Variants in SDK1 observed in about 807,000 individuals in gnomAD.
SDK1 encodes protein sidekick-1.
In SDK1, 157 loss-of-function variants were observed where a neutral mutation model predicts 245.5. That is an observed-to-expected ratio of 0.64 (90% CI 0.56 to 0.73). The LOEUF (loss-of-function observed/expected upper bound fraction) is 0.73, where lower values mean the gene tolerates loss of function less well. Ranked by LOEUF, SDK1 falls within the 30% of genes least tolerant of loss-of-function variation. SDK1 has a pLI of 0.00. For synonymous variants in SDK1, 1,647 were observed against 1,278.5 expected, an observed-to-expected ratio of 1.29 and a Z score of -6.15; for missense variants, 3,583 against 3,002.3, an observed-to-expected ratio of 1.19 and a Z score of -4.52.
At position 3,764,457 on chromosome 7, in the gene SDK1, G is replaced by C. The variant is rs186048173; in HGVS notation, c.714-56993G>C. ...TCCCAACACTTTGGGAGGCCGAGGCGGGTGGATCACCTGAGCTCAGGAGTT... is the reference window on the plus strand; with the variant it reads ...TCCCAACACTTTGGGAGGCCGAGGCCGGTGGATCACCTGAGCTCAGGAGTT... On this transcript the variant is annotated intron_variant, in intron 4 of 44. Transcript: ENST00000404826. Among the ~76,000 whole-genome samples the C allele has an allele frequency of 3.7e-3, 567 of 152,260 alleles. 4 individuals are homozygous for C. The highest frequency in any genetic ancestry group is 0.013 in the African/African-American group (553 of 41,562).
intron 35 of SDK1, among the ~76,000 whole-genome samples, chr7:4,204,115 C>T (rs1445568990): frequency 1.3e-5 from 2 of 152,210 alleles, no homozygotes; most frequent in East Asian, 1.9e-4. Context: ...GGGGGGAGGG[C>T]GATGTCTCAC....
At chr7:4,018,796 G>A (rs1786628695) in intron 17 of SDK1, among the ~76,000 whole-genome samples, 1 of 152,172 alleles carries the variant, frequency 6.6e-6, no homozygotes, top group South Asian at 2.1e-4. Context: ...ATCTGTGAGT[G>A]ACATGAGCAA....
chr7:3,652,991 C>T (rs538621582), intron 4 of SDK1, among the ~76,000 whole-genome samples: 2 of 152,206 alleles, frequency 1.3e-5, no homozygotes, highest in Non-Finnish European at 2.9e-5. Context: ...GTGGACTGAG[C>T]ACCTCACGTC....
chr7:3,583,418 G>T (rs1030700888), intron 1 of SDK1, among the ~76,000 whole-genome samples: 12 of 152,130 alleles, frequency 7.9e-5, no homozygotes, highest in African/African-American at 2.9e-4. Context: ...CTTCTGTTTG[G>T]AACAGTATTA....
chr7:3,936,667 A>T (rs1780172328), intron 5 of SDK1, among the ~76,000 whole-genome samples: 1 of 152,186 alleles, frequency 6.6e-6, no homozygotes. Context: ...TGAACTGTTC[A>T]CTTAGAAATG....
intron 36 of SDK1, 133 bp downstream of exon 36, chr7:4,206,127 G>C (rs1243028432): frequency 3.2e-6 from 2 of 634,734 alleles, no homozygotes; most frequent in South Asian, 3.9e-5. Context: ...AAGCGTCGGA[G>C]CTTGGCTAGA....
chr7:4,108,941 C>T (rs1027168289), intron 22 of SDK1, among the ~76,000 whole-genome samples: 2 of 152,198 alleles, frequency 1.3e-5, no homozygotes, highest in Non-Finnish European at 2.9e-5. Flanking sequence ...GACCTTGGGT[C>T]AGGCTTGCTT....
chr7:4,090,052 G>T (rs1194921926), intron 22 of SDK1, among the ~76,000 whole-genome samples: 1 of 152,130 alleles, frequency 6.6e-6, no homozygotes, highest in Non-Finnish European at 1.5e-5. Flanking sequence ...CGCATTTTTG[G>T]CCAGAATGTG....
intron 1 of SDK1, among the ~76,000 whole-genome samples, chr7:3,501,774 T>C (rs1211235957): frequency 1.3e-5 from 2 of 152,134 alleles, no homozygotes; most frequent in Non-Finnish European, 2.9e-5. Flanking sequence ...TTTCCAGTTA[T>C]GATGGACTAT....
rs547330110 is a variant in SDK1 at position 3,810,211 on chromosome 7, C to T, written c.714-11239C>T. Among the ~76,000 whole-genome samples, 710 of 152,280 alleles carry T rather than the reference C, an allele frequency of 4.7e-3. 8 individuals are homozygous for T. Among genetic ancestry groups the T allele is most frequent in the African/African-American group, 0.017 (686 of 41,538 alleles). On this transcript the variant is annotated intron_variant, in intron 4 of 44. Transcript: ENST00000404826. ...AGTTGGTCCTCATCTACTTTTTAGA[C>T]GCCTTTCTGTCCTCACTTTTCATGG...
At chr7:4,201,948 T>C (rs1783911065) in intron 35 of SDK1, among the ~76,000 whole-genome samples, 1 of 152,194 alleles carries the variant, frequency 6.6e-6, no homozygotes, top group South Asian at 2.1e-4. Flanking sequence ...ACCTGTCTGG[T>C]GTGAACCTAA....
intron 1 of SDK1, among the ~76,000 whole-genome samples, chr7:3,589,640 T>A (rs1383228289): frequency 6.6e-6 from 1 of 152,130 alleles, no homozygotes; most frequent in Admixed American, 6.5e-5. Context: ...ACGTCTTAAA[T>A]GGAGGCAGGC....
At chr7:3,576,022 C>G (rs747701423) in intron 1 of SDK1, among the ~76,000 whole-genome samples, 14 of 151,746 alleles carry the variant, frequency 9.2e-5, no homozygotes, top group African/African-American at 3.1e-4. Flanking sequence ...GGACTATGTT[C>G]AAAAGGTAAA....
At chr7:3,565,748 T>C (rs190197051) in intron 1 of SDK1, among the ~76,000 whole-genome samples, 27 of 152,376 alleles carry the variant, frequency 1.8e-4, no homozygotes, top group East Asian at 5.8e-4. Flanking sequence ...AGGTAACTTA[T>C]ACAACTTGAT....
intron 5 of SDK1, among the ~76,000 whole-genome samples, chr7:3,881,619 A>G (rs1163944533): frequency 6.6e-6 from 1 of 152,202 alleles, no homozygotes; most frequent in African/African-American, 2.4e-5. Context: ...ATTTGGTTAT[A>G]TAACCAGTAA....
At chr7:3,598,477 C>A (rs1271257379) in intron 1 of SDK1, among the ~76,000 whole-genome samples, 1 of 152,138 alleles carries the variant, frequency 6.6e-6, no homozygotes, top group Non-Finnish European at 1.5e-5. Flanking sequence ...CCCATGTAGA[C>A]TCTCCCAATG....
At position 3,736,295 on chromosome 7, in the gene SDK1, G is replaced by A. The variant is rs1462848658; in HGVS notation, c.714-85155G>A. Among the ~76,000 whole-genome samples, 4 of 152,018 alleles carry A rather than the reference G, an allele frequency of 2.6e-5. No individual in the cohort carries two copies. In the East Asian group the frequency reaches 5.8e-4, roughly 22 times the overall value. ...AAAAACTTTATAATGAGACATTAAG[G>A]TTTTGTTTTGTTTTGTGAGACAGAG... On this transcript the variant is annotated intron_variant, in intron 4 of 44. Transcript: ENST00000404826.
intron 1 of SDK1, among the ~76,000 whole-genome samples, chr7:3,306,831 G>A (rs971676357): frequency 1.3e-5 from 2 of 152,046 alleles, no homozygotes; most frequent in African/African-American, 4.8e-5. Flanking sequence ...CCTGCCTTAC[G>A]GTGTCCCAGA....
At chr7:4,102,431 C>G (rs1782617715) in intron 22 of SDK1, among the ~76,000 whole-genome samples, 1 of 152,158 alleles carries the variant, frequency 6.6e-6, no homozygotes, top group Admixed American at 6.5e-5. Context: ...GGCAGCTTTC[C>G]ATGGAAGGGG....
Sources: gnomAD v4.1 joint callset for allele counts (sites outside exome capture counted in the v4.1 genomes callset) on GRCh38, gnomAD v4.1.1 for gene constraint, MANE v1.5 for transcripts, NCBI Gene and HGNC (gene_info 2026-07-23, HGNC 2026-07-21) for gene names.